The following ADCK1 variants were observed in gnomAD, a reference collection of about 807,000 sequenced individuals.
ADCK1 encodes the protein aarF domain containing kinase 1.
ADCK1 carries 41 observed loss-of-function variants against 52.3 expected under a neutral mutation model. The observed-to-expected ratio is 0.78, with a 90% confidence interval of 0.61 to 1.02. The LOEUF (loss-of-function observed/expected upper bound fraction) is 1.02, where lower values mean the gene tolerates loss of function less well. Among genes scored for constraint, ADCK1 ranks in the 50% least tolerant of loss-of-function variants. The pLI, the probability that ADCK1 is intolerant of heterozygous loss-of-function variation, is 0.00. For synonymous variants in ADCK1, 250 were observed against 274.6 expected (o/e 0.91, Z 0.89); for missense variants, 658 against 679.5 (o/e 0.97, Z 0.35).
chr14:77,923,756 G>A lies in ADCK1; in HGVS notation c.859-701G>A, dbSNP rs1481561309. The A allele has an allele frequency of 1.3e-5, 2 of 152,300 alleles. No homozygotes were observed. Among genetic ancestry groups the A allele is most frequent in the South Asian group, 2.1e-4 (1 of 4,832 alleles). 9.4% of individuals were successfully genotyped at this position (152,300 alleles called of 1,614,324 possible). Reference sequence around the variant, plus strand: ...TAGCTTTAATAAAAAAGGGACTAGAGATAAGAAGACTGCCTCGTCAGGGAG... The same window carrying A: ...TAGCTTTAATAAAAAAGGGACTAGAAATAAGAAGACTGCCTCGTCAGGGAG... On this transcript the variant is annotated intron_variant, in intron 7 of 10. Coordinates refer to ENST00000238561, the MANE Select transcript of ADCK1 (RefSeq NM_020421.4). The surrounding 1 kb of genome is among the most constrained non-coding windows in gnomAD (Gnocchi z 4.3).
chr14:77,803,590 CCATTCTTGTCATTGATTTGA>C, intron 1 of ADCK1, among the ~76,000 whole-genome samples: 1 of 152,308 alleles, frequency 6.6e-6, no homozygotes, highest in Middle Eastern at 3.4e-3. Context: ...GAGATGGATT[CCATTCTTGTCATTGATTTGA>C]CAATAAAACA....
intron 4 of ADCK1, among the ~76,000 whole-genome samples, chr14:77,866,791 G>A (rs915217738): frequency 2.0e-5 from 3 of 152,164 alleles, no homozygotes; most frequent in African/African-American, 7.2e-5. Flanking sequence ...GTGTCCTGGT[G>A]GGGCCGGGTG....
chr14:77,849,789 T>G (rs2886168), intron 3 of ADCK1, among the ~76,000 whole-genome samples: 2 of 151,918 alleles, frequency 1.3e-5, no homozygotes, highest in East Asian at 3.9e-4. Flanking sequence ...CAGAGATTTC[T>G]TGGTTATTGA....
At chr14:77,898,642 C>T (rs964489449) in intron 5 of ADCK1, among the ~76,000 whole-genome samples, 6 of 151,830 alleles carry the variant, frequency 4.0e-5, no homozygotes, top group African/African-American at 7.3e-5. Flanking sequence ...GCCTGTTGGG[C>T]GACGGTTGGG....
intron 3 of ADCK1, among the ~76,000 whole-genome samples, chr14:77,840,341 T>TC (rs1384796234): frequency 1.3e-5 from 2 of 152,102 alleles, no homozygotes; most frequent in East Asian, 3.9e-4. Context: ...CTTTTCCTTT[T>TC]TTTTTTTCCA....
intron 4 of ADCK1, among the ~76,000 whole-genome samples, chr14:77,864,379 G>T (rs2082618137): frequency 6.6e-6 from 1 of 152,178 alleles, no homozygotes. Context: ...GGTGGTAGAG[G>T]CAGAGAGCAG....
intron 4 of ADCK1, among the ~76,000 whole-genome samples, chr14:77,882,713 C>T (rs1398255642): frequency 6.6e-6 from 1 of 152,088 alleles, no homozygotes; most frequent in African/African-American, 2.4e-5. Context: ...CTTCCTGTCA[C>T]CTTATTTTGG....
chr14:77,836,257 CA>C (rs1487713748), intron 3 of ADCK1, among the ~76,000 whole-genome samples: 2 of 152,230 alleles, frequency 1.3e-5, no homozygotes, highest in African/African-American at 4.8e-5. Context: ...ATGGGCTTCC[CA>C]GCCTCTAGAA....
At chr14:77,924,336 C>G in intron 7 of ADCK1, 121 bp from the exon 8 acceptor site, 1 of 1,337,824 alleles carries the variant, frequency 7.5e-7, no homozygotes, top group Non-Finnish European at 1.0e-6. Context: ...ACCACAACCG[C>G]TCCGGCCCAC....
chr14:77,823,672 A>G (rs190157044), intron 3 of ADCK1, among the ~76,000 whole-genome samples: 1 of 151,778 alleles, frequency 6.6e-6, no homozygotes, highest in East Asian at 1.9e-4. Flanking sequence ...TCCTGGATTC[A>G]AGTGATTCTC....
chr14:77,863,756 G>T (rs2082602932), intron 4 of ADCK1, among the ~76,000 whole-genome samples: 1 of 151,982 alleles, frequency 6.6e-6, no homozygotes, highest in African/African-American at 2.4e-5. Flanking sequence ...AGAATCACTT[G>T]AACCCAGGAG....
chr14:77,909,127 CT>C (rs55821210), intron 7 of ADCK1, among the ~76,000 whole-genome samples: 1,340 of 103,336 alleles, frequency 0.013, 25 homozygotes, highest in African/African-American at 0.044. Context: ...GAGGTAAATG[CT>C]TTTTTTTTTT....
At position 77,933,570 on chromosome 14, in the gene ADCK1, G is replaced by A. The variant is rs1025726244; in HGVS notation, c.*179G>A. The A allele has an allele frequency of 1.2e-5, 8 of 675,484 alleles. No individual in the cohort carries two copies. Among genetic ancestry groups the A allele is most frequent in the African/African-American group, 1.1e-4 (6 of 55,696 alleles). The allele number at this position is 675,484 out of a possible 1,614,324, so 41.8% of individuals were successfully genotyped here. A position where few individuals can be genotyped will look rare whatever the true frequency, so the allele number is the denominator to read the frequency against. On this transcript the variant is annotated 3_prime_UTR_variant, in exon 11 of 11. Coordinates refer to ENST00000238561, the MANE Select transcript of ADCK1 (RefSeq NM_020421.4). ...CCGCACACTGTGGCCCTTGTCTCAG[G>A]GCCCACAAGCTGAACTGTGGCATAG...
At chr14:77,860,351 G>A (rs1018319034) in intron 4 of ADCK1, among the ~76,000 whole-genome samples, 1 of 152,248 alleles carries the variant, frequency 6.6e-6, no homozygotes, top group Non-Finnish European at 1.5e-5. Context: ...TAGAAATAGT[G>A]TTGTTAGGCT....
intron 3 of ADCK1, among the ~76,000 whole-genome samples, chr14:77,845,650 C>T (rs2082159595): frequency 6.6e-6 from 1 of 152,168 alleles, no homozygotes; most frequent in African/African-American, 2.4e-5. Context: ...GTCTCGAGTT[C>T]CTGGCCTCAA....
intron 1 of ADCK1, among the ~76,000 whole-genome samples, chr14:77,814,989 C>T (rs889022019): frequency 6.6e-6 from 1 of 150,730 alleles, no homozygotes; most frequent in Non-Finnish European, 1.5e-5. Flanking sequence ...TGGGTTCAAG[C>T]AATTCTCTTG....
intron 7 of ADCK1, among the ~76,000 whole-genome samples, chr14:77,911,603 A>G (rs2140266628): frequency 6.6e-6 from 1 of 152,310 alleles, no homozygotes; most frequent in East Asian, 1.9e-4. Context: ...GGACTGTGTG[A>G]GTTAATGCAC....
At position 77,887,183 on chromosome 14, in the gene ADCK1, G is replaced by A. The variant is rs368200753; in HGVS notation, c.516G>A (p.Thr172=). 2.5e-6 allele frequency: 4 copies of A among 1,610,676 alleles called. No homozygotes were observed. Among genetic ancestry groups the A allele is most frequent in the Non-Finnish European group, 2.5e-6 (3 of 1,178,342 alleles). The part of the protein sequence containing the change: ...VHKAVLHDGR[T]VAVKVQHPKV... ...AGGCAGTGCTGCATGATGGGCGGAC[G>A]GTGGCCGTGAAGGTCCAGCACCCAA... The change falls in exon 5 of 11, where the codon ACG becomes ACA. Residue 172 remains threonine, a synonymous_variant. Transcript: ENST00000238561.
chr14:77,899,912 A>G (rs1045773620), intron 6 of ADCK1, among the ~76,000 whole-genome samples: 4 of 151,950 alleles, frequency 2.6e-5, no homozygotes, highest in Non-Finnish European at 4.4e-5. Context: ...TCTACTAAAA[A>G]TATAAAAATT....
Sources: allele counts gnomAD v4.1 joint callset (sites outside exome capture counted in the v4.1 genomes callset), GRCh38; gene constraint gnomAD v4.1.1; non-coding constraint Gnocchi (gnomAD v3.1); transcripts MANE v1.5; gene names NCBI Gene and HGNC (gene_info 2026-07-23, HGNC 2026-07-21).